GRM3: variants seen among roughly 807,000 people sequenced by gnomAD.
GRM3 encodes glutamate metabotropic receptor 3.
GRM3 carries 26 observed loss-of-function variants against 70.5 expected under a neutral mutation model. That is an observed-to-expected ratio of 0.37 (90% CI 0.27 to 0.51). GRM3 has a LOEUF of 0.51. GRM3 is among the 20% of genes least tolerant of loss of function. The pLI is 0.93. For missense variants in GRM3, 859 were observed against 1,123.8 expected (o/e 0.76, Z 3.37); for synonymous variants, 443 against 434.9 (o/e 1.02, Z -0.23).
chr7:86,672,358 AAG>A (rs987451003), intron 1 of GRM3, among the ~76,000 whole-genome samples: 4 of 152,172 alleles, frequency 2.6e-5, no homozygotes, highest in African/African-American at 9.7e-5. Context: ...ATATTGAGAA[AAG>A]AGATAAATGG....
intron 1 of GRM3, among the ~76,000 whole-genome samples, chr7:86,743,299 T>G (rs1231808498): frequency 6.6e-6 from 1 of 152,126 alleles, no homozygotes; most frequent in Non-Finnish European, 1.5e-5. Flanking sequence ...GAAATTGGAA[T>G]GTTGGTAGCT....
chr7:86,781,149 A>G (rs2116506999), intron 2 of GRM3, among the ~76,000 whole-genome samples: 1 of 152,284 alleles, frequency 6.6e-6, no homozygotes, highest in African/African-American at 2.4e-5. Context: ...GGATTAAATG[A>G]GAAAACACAT....
chr7:86,793,815 AGTT>A (rs1173804117), intron 3 of GRM3, among the ~76,000 whole-genome samples: 1 of 152,122 alleles, frequency 6.6e-6, no homozygotes, highest in Admixed American at 6.5e-5. Context: ...TTATCATTAT[AGTT>A]GTTATTATTA....
intron 1 of GRM3, among the ~76,000 whole-genome samples, chr7:86,724,147 A>G (rs1407108170): frequency 3.3e-5 from 5 of 152,170 alleles, no homozygotes; most frequent in African/African-American, 9.6e-5. Context: ...GACAGACACT[A>G]TTGTGTATAA....
intron 5 of GRM3, 99 bp downstream of exon 5, chr7:86,850,643 C>T: frequency 1.2e-6 from 1 of 801,498 alleles, no homozygotes; most frequent in Admixed American, 1.9e-5. Flanking sequence ...CATGAACAAT[C>T]TCAATTCGAT....
intron 1 of GRM3, among the ~76,000 whole-genome samples, chr7:86,755,935 T>G (rs967170516): frequency 1.3e-5 from 2 of 152,166 alleles, no homozygotes; most frequent in Non-Finnish European, 2.9e-5. Flanking sequence ...ATATCTAATG[T>G]CTAGACTTAC....
At position 86,786,770 on chromosome 7, in the gene GRM3, C is replaced by T. The variant is rs1797260381; in HGVS notation, c.978C>T (p.Ala326=). The change falls in exon 3 of 6, where the codon GCC becomes GCT. Residue 326 remains alanine (A), a synonymous_variant. Coordinates refer to ENST00000361669, the MANE Select transcript of GRM3 (RefSeq NM_000840.3). The surrounding 1 kb of genome is among the most constrained non-coding windows in gnomAD (Gnocchi z 6.0). ...VAYGAITLEL[A]SQPVRQFDRY... is the part of the protein sequence containing the mutation. Reference sequence around the variant, plus strand: ...ACGGCGCCATCACCCTGGAGCTGGCCTCCCAGCCTGTCCGCCAGTTCGACC... The same window carrying T: ...ACGGCGCCATCACCCTGGAGCTGGCTTCCCAGCCTGTCCGCCAGTTCGACC... The T allele has an allele frequency of 3.7e-6, 6 of 1,614,014 alleles. No homozygotes were observed. Among genetic ancestry groups the T allele is most frequent in the East Asian group, 2.2e-5 (1 of 44,886 alleles).
At chr7:86,771,611 A>G (rs1399745355) in intron 2 of GRM3, among the ~76,000 whole-genome samples, 1 of 152,070 alleles carries the variant, frequency 6.6e-6, no homozygotes. Flanking sequence ...GACATGGAGT[A>G]GAGGGAACAT....
rs572786423 is a variant in GRM3, at chr7:86,663,194, A to G, written c.-141+18322A>G. Among the ~76,000 whole-genome samples the G allele has an allele frequency of 3.9e-5, 6 of 152,040 alleles. No homozygotes were observed. The South Asian group carries it at 1.2e-3, about 32-fold the overall frequency. ...CTAGGGTACTTCTACTTATAGTTAC[A>G]CCTAGAAGTTACAGTCCAAAGAAAC... On this transcript the variant is annotated intron_variant, in intron 1 of 5. Transcript: ENST00000361669.
chr7:86,859,920 G>T (rs928851364), intron 5 of GRM3, among the ~76,000 whole-genome samples: 1 of 152,170 alleles, frequency 6.6e-6, no homozygotes, highest in African/African-American at 2.4e-5. Flanking sequence ...TCACCAGTTT[G>T]TGAAGCAAAA....
intron 5 of GRM3, among the ~76,000 whole-genome samples, chr7:86,862,657 C>A (rs1225049572): frequency 6.6e-6 from 1 of 152,118 alleles, no homozygotes; most frequent in African/African-American, 2.4e-5. Context: ...GGTAGCCACA[C>A]AAACTTGACT....
intron 1 of GRM3, among the ~76,000 whole-genome samples, chr7:86,690,418 G>T (rs1794670065): frequency 6.6e-6 from 1 of 152,112 alleles, no homozygotes; most frequent in Non-Finnish European, 1.5e-5. Flanking sequence ...TAGGATTTCT[G>T]CTGGTTGTTA....
chr7:86,790,924 C>T (rs10277739), intron 3 of GRM3, among the ~76,000 whole-genome samples: 58,777 of 150,784 alleles, frequency 0.39, 13,749 homozygotes, highest in African/African-American at 0.67. Flanking sequence ...TTTGTTTTTT[C>T]ACCCCATGAC....
At chr7:86,685,906 CAAAAAA>C (rs71117516) in intron 1 of GRM3, among the ~76,000 whole-genome samples, 3 of 74,384 alleles carry the variant, frequency 4.0e-5, no homozygotes, top group African/African-American at 9.1e-5. Context: ...ACTCTGTCTC[CAAAAAA>C]AAAAAAAAAA....
chr7:86,772,131 G>A (rs1796759730), intron 2 of GRM3, among the ~76,000 whole-genome samples: 1 of 151,862 alleles, frequency 6.6e-6, no homozygotes, highest in African/African-American at 2.4e-5. Flanking sequence ...CACATTTTTT[G>A]TCTTTATATT....
intron 3 of GRM3, among the ~76,000 whole-genome samples, chr7:86,838,287 T>C (rs1014042183): frequency 2.0e-5 from 3 of 152,178 alleles, no homozygotes; most frequent in South Asian, 4.1e-4. Flanking sequence ...TGAAGTATGA[T>C]AGGTAGTTTA....
intron 2 of GRM3, among the ~76,000 whole-genome samples, chr7:86,776,354 C>A (rs577735476): frequency 6.6e-6 from 1 of 152,148 alleles, no homozygotes; most frequent in African/African-American, 2.4e-5. Context: ...ACCCTGTGCA[C>A]TGTTTGCTTC....
chr7:86,794,514 T>C (rs999932379), intron 3 of GRM3, among the ~76,000 whole-genome samples: 1 of 152,208 alleles, frequency 6.6e-6, no homozygotes, highest in Non-Finnish European at 1.5e-5. Flanking sequence ...GCAATGAGCA[T>C]ACATCCTAAA....
Position 86,786,968 on chromosome 7 carries a change from T to C in GRM3, c.1176T>C (p.Phe392=). The C allele has an allele frequency of 6.2e-7, 1 of 1,614,190 alleles. No individual in the cohort carries two copies. Among genetic ancestry groups the C allele is most frequent in the South Asian group, 1.1e-5 (1 of 91,092 alleles). Residue 392 remains phenylalanine (F), a synonymous_variant, in exon 3 of 6, where the codon TTT becomes TTC. Transcript: ENST00000361669. This position sits in a 1 kb window ranked among gnomAD's most constrained non-coding sequence, Gnocchi z 6.0. ...SNYEQESKIM[F]VVNAVYAMAH... is the part of the protein sequence containing the mutation. The stretch of plus-strand genomic sequence containing the variant: ...ACGAGCAAGAGTCCAAGATCATGTT[T>C]GTGGTGAACGCGGTGTATGCCATGG...
Sources: allele counts gnomAD v4.1 joint callset (sites outside exome capture counted in the v4.1 genomes callset), GRCh38; gene constraint gnomAD v4.1.1; non-coding constraint Gnocchi (gnomAD v3.1); transcripts MANE v1.5; gene names NCBI Gene and HGNC (gene_info 2026-07-23, HGNC 2026-07-21).